KCNIP1: variants seen among roughly 807,000 people sequenced by gnomAD.
KCNIP1 encodes potassium voltage-gated channel interacting protein 1.
A neutral mutation model predicts 33.0 loss-of-function variants in KCNIP1; 18 were observed. The ratio of observed to expected loss-of-function variants is 0.55; its 90% CI spans 0.38 to 0.81. KCNIP1 has a LOEUF of 0.81. KCNIP1 is among the 30% of genes least tolerant of loss of function. The pLI is 0.00. For missense variants in KCNIP1, 238 were observed against 271.6 expected (o/e 0.88, Z 0.87); for synonymous variants, 93 against 98.3 (o/e 0.95, Z 0.32).
intron 1 of KCNIP1, among the ~76,000 whole-genome samples, chr5:170,546,241 A>G (rs1281080388): frequency 6.6e-6 from 1 of 152,188 alleles, no homozygotes; most frequent in Non-Finnish European, 1.5e-5. Context: ...TCTGGCAAAT[A>G]TCTTGAGGGG....
chr5:170,661,952 G>A (rs542159752), intron 1 of KCNIP1, among the ~76,000 whole-genome samples: 3 of 152,206 alleles, frequency 2.0e-5, no homozygotes, highest in South Asian at 2.1e-4. Flanking sequence ...CGAGCACAAC[G>A]CAGCAGTCAC....
rs532500712 is a variant in KCNIP1, at chr5:170,601,157, G to C, written c.61+96524G>C. On this transcript the variant is annotated intron_variant, in intron 1 of 7. Transcript: ENST00000328939. ...ACAGAGCAGCGTTGTTGCAGTTTGC[G>C]CGCTAAGGCTGTAGACTGGGCTGCA... Among the ~76,000 whole-genome samples, 3 of 152,222 alleles carry C rather than the reference G, an allele frequency of 2.0e-5. No homozygotes were observed. The East Asian group carries it at 5.8e-4, about 29-fold the overall frequency.
chr5:170,434,537 G>A (rs1251062934), intron 1 of KCNIP1, among the ~76,000 whole-genome samples: 3 of 152,160 alleles, frequency 2.0e-5, no homozygotes, highest in Non-Finnish European at 4.4e-5. Flanking sequence ...TGTGCACCAG[G>A]GAAGCTCAGG....
At chr5:170,445,351 C>T (rs1432108387) in intron 1 of KCNIP1, among the ~76,000 whole-genome samples, 1 of 152,178 alleles carries the variant, frequency 6.6e-6, no homozygotes, top group African/African-American at 2.4e-5. Context: ...GAGTCAATGA[C>T]TGTATCAGGC....
chr5:170,587,802 C>T (rs1465192503), intron 1 of KCNIP1, among the ~76,000 whole-genome samples: 1 of 152,248 alleles, frequency 6.6e-6, no homozygotes, highest in Non-Finnish European at 1.5e-5. Flanking sequence ...TGCAAAATCT[C>T]TCTTACCATG....
At chr5:170,487,810 G>A (rs189496199) in intron 1 of KCNIP1, among the ~76,000 whole-genome samples, 170 of 152,006 alleles carry the variant, frequency 1.1e-3, no homozygotes, top group African/African-American at 3.7e-3. Flanking sequence ...GAACCACTGC[G>A]CACGGCCCAG....
intron 1 of KCNIP1, among the ~76,000 whole-genome samples, chr5:170,618,638 G>C (rs1279743932): frequency 6.6e-6 from 1 of 151,760 alleles, no homozygotes; most frequent in Non-Finnish European, 1.5e-5. Context: ...AGGAGTCTGG[G>C]GACCAAAGTG....
intron 1 of KCNIP1, among the ~76,000 whole-genome samples, chr5:170,593,019 G>A (rs1758318328): frequency 6.6e-6 from 1 of 152,120 alleles, no homozygotes; most frequent in African/African-American, 2.4e-5. Context: ...GCTTCTATAT[G>A]TGTAGATTAT....
chr5:170,526,114 G>A (rs1329072492), intron 1 of KCNIP1, among the ~76,000 whole-genome samples: 2 of 152,138 alleles, frequency 1.3e-5, no homozygotes, highest in African/African-American at 2.4e-5. Flanking sequence ...CCTGTGGCTG[G>A]GATTGAGACC....
At chr5:170,540,513 G>A (rs1335040339) in intron 1 of KCNIP1, among the ~76,000 whole-genome samples, 1 of 152,208 alleles carries the variant, frequency 6.6e-6, no homozygotes, top group Admixed American at 6.5e-5. Flanking sequence ...AGAGCATGGT[G>A]CTTCTCAGGT....
At chr5:170,558,848 C>T (rs1756931794) in intron 1 of KCNIP1, among the ~76,000 whole-genome samples, 1 of 152,158 alleles carries the variant, frequency 6.6e-6, no homozygotes, top group Non-Finnish European at 1.5e-5. Context: ...TGTTTAAAAC[C>T]CAGAAATTGC....
chr5:170,360,456 A>G (rs1763476497), intron 1 of KCNIP1, among the ~76,000 whole-genome samples: 1 of 152,200 alleles, frequency 6.6e-6, no homozygotes, highest in Non-Finnish European at 1.5e-5. Context: ...ATGAGATGGG[A>G]CATGTGACAG....
chr5:170,588,382 A>G (rs1758074833), intron 1 of KCNIP1, among the ~76,000 whole-genome samples: 1 of 152,162 alleles, frequency 6.6e-6, no homozygotes, highest in Admixed American at 6.5e-5. Context: ...CACCCCACAC[A>G]TTATAAAGCC....
intron 1 of KCNIP1, among the ~76,000 whole-genome samples, chr5:170,498,283 G>A (rs748708002): frequency 1.2e-4 from 19 of 152,204 alleles, no homozygotes; most frequent in Admixed American, 9.8e-4. Flanking sequence ...GACCTCCAAC[G>A]ACATTGCTGA....
chr5:170,463,613 C>T (rs1290467562), intron 1 of KCNIP1, among the ~76,000 whole-genome samples: 3 of 152,084 alleles, frequency 2.0e-5, no homozygotes, highest in Non-Finnish European at 4.4e-5. Context: ...TTAACAAAAT[C>T]CAAACTGACG....
At chr5:170,383,805 G>A (rs1275378337) in intron 1 of KCNIP1, 1 of 1,614,000 alleles carries the variant, frequency 6.2e-7, no homozygotes, top group African/African-American at 1.3e-5. Context: ...CCTGGTCCCT[G>A]ATGTTGGTCT....
intron 1 of KCNIP1, chr5:170,376,804 C>A (rs1764023104): frequency 6.6e-6 from 1 of 152,062 alleles, no homozygotes; most frequent in Non-Finnish European, 1.5e-5. Flanking sequence ...ATAATCTGCA[C>A]AACAAACTCC....
At chr5:170,438,682 C>G (rs1755921581) in intron 1 of KCNIP1, among the ~76,000 whole-genome samples, 1 of 152,074 alleles carries the variant, frequency 6.6e-6, no homozygotes, top group Non-Finnish European at 1.5e-5. Flanking sequence ...ACACGAAGCT[C>G]TAAAGTCAGC....
At chr5:170,636,767 T>C (rs1232691162) in intron 1 of KCNIP1, among the ~76,000 whole-genome samples, 1 of 152,134 alleles carries the variant, frequency 6.6e-6, no homozygotes, top group Non-Finnish European at 1.5e-5. Flanking sequence ...AGCAAGCATT[T>C]ACTGAGCACC....
Sources: allele counts gnomAD v4.1 joint callset (sites outside exome capture counted in the v4.1 genomes callset), GRCh38; gene constraint gnomAD v4.1.1; transcripts MANE v1.5; gene names NCBI Gene and HGNC (gene_info 2026-07-23, HGNC 2026-07-21).